Variants in SYNPR observed in about 807,000 individuals in gnomAD.
SYNPR encodes the protein synaptoporin.
SYNPR carries 23 observed loss-of-function variants against 32.9 expected under a neutral mutation model. That is an observed-to-expected ratio of 0.70 (90% confidence interval 0.50 to 0.99). SYNPR has a LOEUF of 0.99. SYNPR is among the 50% of genes least tolerant of loss of function. The probability of loss-of-function intolerance (pLI) is 0.00; values close to 1 mark genes in which losing one functional copy is unlikely to be tolerated. For missense variants in SYNPR, 318 were observed against 349.3 expected (o/e 0.91, Z 0.71); for synonymous variants, 146 against 135.9 (o/e 1.07, Z -0.52).
intron 2 of SYNPR, among the ~76,000 whole-genome samples, chr3:63,378,672 G>A (rs953560462): frequency 5.9e-5 from 9 of 151,830 alleles, no homozygotes; most frequent in Non-Finnish European, 8.8e-5. Flanking sequence ...CTGGAGATAC[G>A]CCTGTATTAT....
At chr3:63,554,341 A>T (rs1702558587) in intron 3 of SYNPR, among the ~76,000 whole-genome samples, 1 of 152,172 alleles carries the variant, frequency 6.6e-6, no homozygotes, top group Non-Finnish European at 1.5e-5. Flanking sequence ...CAGGAGTTTG[A>T]GGTCTTACAT....
intron 2 of SYNPR, among the ~76,000 whole-genome samples, chr3:63,475,964 T>C (rs1700893616): frequency 6.6e-6 from 1 of 151,884 alleles, no homozygotes; most frequent in African/African-American, 2.4e-5. Flanking sequence ...ATACCATGTC[T>C]CTTTATGTCT....
intron 1 of SYNPR, among the ~76,000 whole-genome samples, chr3:63,251,325 A>C (rs2106889462): frequency 7.7e-6 from 1 of 129,326 alleles, no homozygotes; most frequent in Middle Eastern, 3.6e-3. Flanking sequence ...TCCTGGTATC[A>C]AAAAAAAAAT....
intron 2 of SYNPR, among the ~76,000 whole-genome samples, chr3:63,364,483 G>T (rs2087706296): frequency 6.6e-6 from 1 of 152,100 alleles, no homozygotes; most frequent in African/African-American, 2.4e-5. Flanking sequence ...TTAAAATTTG[G>T]CTTCGAATAG....
chr3:63,565,788 G>A (rs557389778), intron 4 of SYNPR, among the ~76,000 whole-genome samples: 2 of 152,228 alleles, frequency 1.3e-5, no homozygotes, highest in African/African-American at 2.4e-5. Flanking sequence ...TAGCTTAGAC[G>A]TTGCTTCATT....
intron 4 of SYNPR, among the ~76,000 whole-genome samples, 178 bp downstream of exon 4, chr3:63,556,919 G>A (rs1454667230): frequency 1.3e-5 from 2 of 152,062 alleles, no homozygotes; most frequent in Admixed American, 6.6e-5. Context: ...AATCTCTTGT[G>A]CTCCTGGGCT....
chr3:63,504,087 C>A (rs1477313255), intron 3 of SYNPR, among the ~76,000 whole-genome samples: 2 of 151,912 alleles, frequency 1.3e-5, no homozygotes, highest in African/African-American at 2.4e-5. Flanking sequence ...AACAGGATAA[C>A]CTTTTAATGA....
At chr3:63,205,451 A>G in the SYNPR span, among the ~76,000 whole-genome samples, 2 of 152,214 alleles carry the variant, frequency 1.3e-5, no homozygotes, top group South Asian at 2.1e-4. Context: ...AGTGAAGCAA[A>G]CAAAAACTCC....
chr3:63,606,417 C>CTTTCTTTTT (rs1700120823), intron 4 of SYNPR, among the ~76,000 whole-genome samples: 1 of 68,300 alleles, frequency 1.5e-5, no homozygotes, highest in Non-Finnish European at 2.9e-5. Flanking sequence ...CAAATCCTTT[C>CTTTCTTTTT]TTTTTTTTTT....
intron 2 of SYNPR, among the ~76,000 whole-genome samples, chr3:63,420,832 A>G (rs1010325188): frequency 1.3e-5 from 2 of 152,200 alleles, no homozygotes; most frequent in Admixed American, 1.3e-4. Flanking sequence ...TCAGTGAGAA[A>G]AAATACAAAT....
At chr3:63,551,427 G>A (rs541589938) in intron 3 of SYNPR, among the ~76,000 whole-genome samples, 22 of 152,232 alleles carry the variant, frequency 1.4e-4, no homozygotes, top group Middle Eastern at 3.4e-3. Context: ...TCTTGGGTAT[G>A]TATCTAGGAG....
At chr3:63,385,299 T>C (rs954697893) in intron 2 of SYNPR, among the ~76,000 whole-genome samples, 3 of 152,220 alleles carry the variant, frequency 2.0e-5, no homozygotes, top group African/African-American at 7.2e-5. Flanking sequence ...TTTCAGAGGT[T>C]AGCAAGTGTT....
intron 3 of SYNPR, among the ~76,000 whole-genome samples, chr3:63,481,435 GTATATATA>G (rs71636051): frequency 6.8e-6 from 1 of 147,678 alleles, no homozygotes; most frequent in East Asian, 2.0e-4. Flanking sequence ...TATATTAAGT[GTATATATA>G]TATATATATG....
intron 2 of SYNPR, among the ~76,000 whole-genome samples, chr3:63,462,065 G>C (rs1372745897): frequency 1.3e-5 from 2 of 152,012 alleles, no homozygotes; most frequent in Admixed American, 1.3e-4. Context: ...CTTGGCCACT[G>C]CAGCCACAGT....
intron 2 of SYNPR, among the ~76,000 whole-genome samples, chr3:63,408,277 G>A (rs1436000336): frequency 2.2e-5 from 1 of 45,620 alleles, no homozygotes; most frequent in African/African-American, 1.2e-4. Context: ...AAGAAAGAAA[G>A]AGGAAGGAAG....
At chr3:63,531,230 A>G (rs890117913) in intron 3 of SYNPR, among the ~76,000 whole-genome samples, 1 of 152,148 alleles carries the variant, frequency 6.6e-6, no homozygotes, top group African/African-American at 2.4e-5. Context: ...AAGCATCACA[A>G]ACTGGGTGGT....
upstream of SYNPR, among the ~76,000 whole-genome samples, chr3:63,224,182 C>T (rs1169481188): frequency 2.0e-5 from 3 of 152,182 alleles, no homozygotes; most frequent in East Asian, 5.8e-4. Context: ...GGCAAGCCAG[C>T]ATTATCGCCT....
intron 2 of SYNPR, among the ~76,000 whole-genome samples, chr3:63,292,289 A>G (rs1195659710): frequency 3.9e-5 from 6 of 152,216 alleles, no homozygotes; most frequent in Non-Finnish European, 1.5e-5. Context: ...ACATGTATAT[A>G]GCATGTAATG....
chr3:63,455,682 T>C (rs1700468596), intron 2 of SYNPR, among the ~76,000 whole-genome samples: 1 of 151,942 alleles, frequency 6.6e-6, no homozygotes, highest in Non-Finnish European at 1.5e-5. Flanking sequence ...TGGTTGAAGA[T>C]TATTAGTTAA....
Sources: allele counts gnomAD v4.1 joint callset (sites outside exome capture counted in the v4.1 genomes callset), GRCh38; gene constraint gnomAD v4.1.1; transcripts MANE v1.5; gene names NCBI Gene and HGNC (gene_info 2026-07-23, HGNC 2026-07-21).